The following RBFOX1 variants were observed in gnomAD, a reference collection of about 807,000 sequenced individuals.
RBFOX1 encodes the protein RNA binding fox-1 homolog 1, also known as RNA binding protein fox-1 homolog 1.
In RBFOX1, 8 loss-of-function variants were observed where a neutral mutation model predicts 57.7. That is an observed-to-expected ratio of 0.14 (90% CI 0.08 to 0.25). The LOEUF is 0.25. Ranked by LOEUF, RBFOX1 falls within the 10% of genes least tolerant of loss-of-function variation. The pLI, the probability that RBFOX1 is intolerant of heterozygous loss-of-function variation, is 1.00. For missense variants in RBFOX1, 611 were observed against 548.5 expected, an observed-to-expected ratio of 1.11 and a Z score of -1.14; for synonymous variants, 326 against 222.4, an observed-to-expected ratio of 1.47 and a Z score of -4.15.
Position 6,896,084 on chromosome 16 carries a change from C to A in RBFOX1, c.-15-155973C>A, listed in dbSNP as rs567170976. ...GCTTAGGAGTTTGGGACCAACCTGG[C>A]CAACATGGTGAAACCCCATCTCTAT... On this transcript the variant is annotated intron_variant, in intron 3 of 15. Coordinates refer to ENST00000550418, the MANE Select transcript of RBFOX1 (RefSeq NM_018723.4). Among the ~76,000 whole-genome samples, 3 of 152,156 alleles carry A rather than the reference C, an allele frequency of 2.0e-5. No individual in the cohort carries two copies. In the East Asian group the frequency reaches 5.8e-4, roughly 29 times the overall value.
At chr16:7,037,581 T>C (rs946185562) in intron 3 of RBFOX1, among the ~76,000 whole-genome samples, 2 of 152,194 alleles carry the variant, frequency 1.3e-5, no homozygotes, top group African/African-American at 4.8e-5. Context: ...GACTACTGAA[T>C]TCAGTTTACT....
intron 4 of RBFOX1, among the ~76,000 whole-genome samples, chr16:7,343,413 C>G (rs1446295481): frequency 2.0e-5 from 3 of 152,282 alleles, no homozygotes; most frequent in South Asian, 2.1e-4. Context: ...AGATGAGAAT[C>G]TGACCAGCAG....
intron 4 of RBFOX1, among the ~76,000 whole-genome samples, chr16:7,301,148 A>G (rs902332496): frequency 6.6e-6 from 1 of 152,180 alleles, no homozygotes; most frequent in Non-Finnish European, 1.5e-5. Context: ...TCATCAAGTG[A>G]GCGATGATTG....
At chr16:6,959,742 G>C (rs917506693) in intron 3 of RBFOX1, among the ~76,000 whole-genome samples, 1 of 152,104 alleles carries the variant, frequency 6.6e-6, no homozygotes, top group East Asian at 1.9e-4. Flanking sequence ...TTCGAGACCA[G>C]CCTGGCCAAC....
chr16:5,470,586 C>T (rs956313391), intron 2 of RBFOX1, among the ~76,000 whole-genome samples: 27 of 152,110 alleles, frequency 1.8e-4, no homozygotes, highest in African/African-American at 6.0e-4. Context: ...GGGCGTCACC[C>T]GTGAGCCATA....
At chr16:5,997,569 C>T (rs985053836) in intron 4 of RBFOX1, among the ~76,000 whole-genome samples, 4 of 152,198 alleles carry the variant, frequency 2.6e-5, no homozygotes, top group Admixed American at 1.3e-4. Flanking sequence ...CATGAAGAAT[C>T]ACCAAATCTC....
chr16:7,239,241 G>C (rs538214374), intron 4 of RBFOX1, among the ~76,000 whole-genome samples: 1 of 152,208 alleles, frequency 6.6e-6, no homozygotes, highest in Non-Finnish European at 1.5e-5. Flanking sequence ...GAATCAGCCA[G>C]TAATCCCAGC....
At chr16:6,529,984 G>T (rs1035893044) in intron 2 of RBFOX1, among the ~76,000 whole-genome samples, 6 of 152,004 alleles carry the variant, frequency 3.9e-5, no homozygotes, top group Non-Finnish European at 7.4e-5. Flanking sequence ...GTCCCTTTTG[G>T]TTATTAGATA....
chr16:5,923,213 G>A (rs557848571), intron 4 of RBFOX1, among the ~76,000 whole-genome samples: 2 of 152,140 alleles, frequency 1.3e-5, no homozygotes, highest in South Asian at 4.1e-4. Flanking sequence ...GACTTCCAGG[G>A]AAGAGATTTA....
At chr16:5,410,007 C>T (rs1047453334) in intron 1 of RBFOX1, among the ~76,000 whole-genome samples, 1 of 148,988 alleles carries the variant, frequency 6.7e-6, no homozygotes. Flanking sequence ...GAGATCACGC[C>T]AGTGCACTTC....
intron 1 of RBFOX1, among the ~76,000 whole-genome samples, chr16:5,256,101 T>A (rs1364896789): frequency 2.6e-5 from 4 of 152,102 alleles, no homozygotes; most frequent in African/African-American, 4.8e-5. Flanking sequence ...AGTAGTGACA[T>A]ACAGGTGCTA....
chr16:6,679,335 T>G (rs2058258209), intron 3 of RBFOX1, among the ~76,000 whole-genome samples: 1 of 152,066 alleles, frequency 6.6e-6, no homozygotes, highest in South Asian at 2.1e-4. Context: ...AATGACGAGC[T>G]TGATATGTGG....
intron 1 of RBFOX1, among the ~76,000 whole-genome samples, chr16:6,169,931 G>A (rs1213196836): frequency 6.6e-6 from 1 of 152,056 alleles, no homozygotes; most frequent in East Asian, 1.9e-4. Flanking sequence ...CACCTGACTA[G>A]TTTTTGTATT....
chr16:6,935,082 C>G (rs766821953), intron 3 of RBFOX1, among the ~76,000 whole-genome samples: 50 of 151,964 alleles, frequency 3.3e-4, no homozygotes, highest in African/African-American at 1.2e-3. Flanking sequence ...CAGTGAGACC[C>G]CCATCTCGGA....
At chr16:6,822,606 A>C (rs892115639) in intron 3 of RBFOX1, among the ~76,000 whole-genome samples, 2 of 152,168 alleles carry the variant, frequency 1.3e-5, no homozygotes, top group East Asian at 3.9e-4. Context: ...ATCACAATCT[A>C]AGTTATGGCA....
At position 7,012,161 on chromosome 16, in the gene RBFOX1, T is replaced by G. The variant is rs139395409; in HGVS notation, c.-15-39896T>G. On this transcript the variant is annotated intron_variant, in intron 3 of 15. Coordinates refer to ENST00000550418, the MANE Select transcript of RBFOX1 (RefSeq NM_018723.4). The stretch of plus-strand genomic sequence containing the variant: ...AATCATAGGATGAGACTATGATCAC[T>G]ATCATTTATTGACCATCACTGAATG... Among the ~76,000 whole-genome samples the G allele has an allele frequency of 1.4e-4, 22 of 152,332 alleles. 1 individual carries two copies. The East Asian group carries it at 4.3e-3, about 29-fold the overall frequency.
At chr16:7,191,984 C>T (rs542785066) in intron 4 of RBFOX1, among the ~76,000 whole-genome samples, 25 of 152,304 alleles carry the variant, frequency 1.6e-4, no homozygotes, top group African/African-American at 4.3e-4. Context: ...GCTGCACAAA[C>T]GGCCCTGGTG....
intron 4 of RBFOX1, among the ~76,000 whole-genome samples, chr16:7,258,896 C>T (rs8059610): frequency 0.37 from 56,363 of 151,908 alleles, 10,635 homozygotes; most frequent in Middle Eastern, 0.46. Context: ...TAAAAGTTTG[C>T]AGTGGTCCTC....
At chr16:5,514,226 C>G (rs902860750) in intron 2 of RBFOX1, among the ~76,000 whole-genome samples, 3 of 152,182 alleles carry the variant, frequency 2.0e-5, no homozygotes, top group Non-Finnish European at 4.4e-5. Flanking sequence ...GTCTGAGGGT[C>G]TACTGTTGGC....
Sources: gnomAD v4.1 joint callset for allele counts (sites outside exome capture counted in the v4.1 genomes callset) on GRCh38, gnomAD v4.1.1 for gene constraint, MANE v1.5 for transcripts, NCBI Gene and HGNC (gene_info 2026-07-23, HGNC 2026-07-21) for gene names.